NRXN1: variants seen among roughly 807,000 people sequenced by gnomAD.
NRXN1 encodes the protein neurexin 1, also known as neurexin-1.
NRXN1 carries 39 observed loss-of-function variants against 150.9 expected under a neutral mutation model. The observed-to-expected ratio is 0.26, with a 90% CI of 0.20 to 0.34. NRXN1 has a LOEUF of 0.34. Among genes scored for constraint, NRXN1 ranks in the 10% least tolerant of loss-of-function variants. The probability of loss-of-function intolerance (pLI) is 1.00; values close to 1 mark genes in which losing one functional copy is unlikely to be tolerated. For synonymous variants in NRXN1, 924 were observed against 757.0 expected, an observed-to-expected ratio of 1.22 and a Z score of -3.62; for missense variants, 1,815 against 1,949.9, an observed-to-expected ratio of 0.93 and a Z score of 1.30.
chr2:50,462,492 A>G (rs2088335394), intron 17 of NRXN1, among the ~76,000 whole-genome samples: 2 of 151,842 alleles, frequency 1.3e-5, no homozygotes, highest in Admixed American at 1.3e-4. Flanking sequence ...TACATGATAT[A>G]CCAGAAAAAT....
intron 21 of NRXN1, among the ~76,000 whole-genome samples, chr2:50,012,901 T>C (rs1685948219): frequency 6.6e-6 from 1 of 152,152 alleles, no homozygotes; most frequent in East Asian, 1.9e-4. Flanking sequence ...GTATTACTTC[T>C]GTGGGACCTT....
chr2:50,754,069 T>C (rs1463918214), intron 5 of NRXN1, among the ~76,000 whole-genome samples: 1 of 150,914 alleles, frequency 6.6e-6, no homozygotes, highest in African/African-American at 2.4e-5. Flanking sequence ...TAAACTAATA[T>C]ACCATAAAAG....
chr2:50,496,100 G>GA lies in NRXN1; in HGVS notation c.2880-6dup. ...TCAAACACGTAATGTAAGTACCTGG[G>GA]AAAAAAATGAAAGAGGGGAAAGTGC... On this transcript the variant is annotated splice_polypyrimidine_tract_variant and splice_region_variant and intron_variant, in intron 14 of 22. Transcript: ENST00000401669. The GA allele has an allele frequency of 6.3e-7, 1 of 1,579,992 alleles. No homozygotes were observed. The highest frequency in any genetic ancestry group is 8.6e-7 in the Non-Finnish European group (1 of 1,162,572).
At chr2:49,987,643 AT>A (rs1322949560) in intron 21 of NRXN1, among the ~76,000 whole-genome samples, 1 of 152,108 alleles carries the variant, frequency 6.6e-6, no homozygotes, top group Non-Finnish European at 1.5e-5. Context: ...GACCTTTAAA[AT>A]ATGTGATATA....
At chr2:50,790,794 T>C (rs962021813) in intron 5 of NRXN1, among the ~76,000 whole-genome samples, 18 of 152,134 alleles carry the variant, frequency 1.2e-4, no homozygotes, top group African/African-American at 3.6e-4. Flanking sequence ...CAAATGAGGA[T>C]GACTGGGAGG....
chr2:50,548,159 C>T (rs2093535546), intron 9 of NRXN1: 2 of 152,112 alleles, frequency 1.3e-5, no homozygotes, highest in African/African-American at 4.8e-5. Flanking sequence ...GGTTGCATAT[C>T]CCAGTCCTCA....
rs530433111 is a variant in NRXN1 at position 50,160,266 on chromosome 2, C to T, written c.3547-68772G>A. ...TTAAAAAAAGGCTTTCTGGGCCAGA[C>T]GCAGTTGCTAACGTCTGTAATCCCA... On this transcript the variant is annotated intron_variant, in intron 18 of 22. Coordinates refer to ENST00000401669, the MANE Select transcript of NRXN1 (RefSeq NM_001330078.2). 6.6e-5 allele frequency among the ~76,000 whole-genome samples: 10 copies of T among 152,040 alleles called. No individual in the cohort carries two copies. The South Asian group carries it at 1.0e-3, about 16-fold the overall frequency.
intron 8 of NRXN1, among the ~76,000 whole-genome samples, chr2:50,613,316 T>A (rs1323419733): frequency 6.6e-6 from 1 of 152,100 alleles, no homozygotes; most frequent in East Asian, 1.9e-4. Flanking sequence ...CAAGCCATCA[T>A]CTCTAGTGCT....
At chr2:50,147,619 G>A (rs750431358) in intron 18 of NRXN1, among the ~76,000 whole-genome samples, 7 of 151,576 alleles carry the variant, frequency 4.6e-5, no homozygotes, top group Non-Finnish European at 1.0e-4. Flanking sequence ...AGTCACGTGT[G>A]GAAAAAACAA....
chr2:51,014,882 ATTG>A (rs1258028895), intron 2 of NRXN1, among the ~76,000 whole-genome samples: 1 of 152,038 alleles, frequency 6.6e-6, no homozygotes, highest in Non-Finnish European at 1.5e-5. Context: ...AGATTTTGCT[ATTG>A]TTGTTGATGT....
At chr2:50,005,669 G>T (rs1205077853) in intron 21 of NRXN1, among the ~76,000 whole-genome samples, 1 of 151,986 alleles carries the variant, frequency 6.6e-6, no homozygotes, top group African/African-American at 2.4e-5. Context: ...ATTACCTAGA[G>T]AATTAGTCTA....
At chr2:49,957,098 C>T (rs146539733) in intron 21 of NRXN1, among the ~76,000 whole-genome samples, 731 of 152,156 alleles carry the variant, frequency 4.8e-3, no homozygotes, top group Non-Finnish European at 7.2e-3. Context: ...CTATGAGCAG[C>T]AAGTTGCTTT....
intron 18 of NRXN1, among the ~76,000 whole-genome samples, chr2:50,235,678 G>T (rs2065346378): frequency 6.6e-6 from 1 of 152,084 alleles, no homozygotes; most frequent in Non-Finnish European, 1.5e-5. Flanking sequence ...AGAACATGAT[G>T]ACCTAATCAA....
chr2:49,956,044 T>C (rs1217815107), intron 21 of NRXN1, among the ~76,000 whole-genome samples: 3 of 152,130 alleles, frequency 2.0e-5, no homozygotes, highest in Non-Finnish European at 4.4e-5. Flanking sequence ...TTTTATGCAT[T>C]AATCTTTTAC....
intron 17 of NRXN1, among the ~76,000 whole-genome samples, chr2:50,255,857 TA>T (rs1197775881): frequency 6.6e-6 from 1 of 152,154 alleles, no homozygotes; most frequent in Non-Finnish European, 1.5e-5. Context: ...ATTAACTAAT[TA>T]AAATTAATTA....
intron 17 of NRXN1, among the ~76,000 whole-genome samples, chr2:50,329,692 G>C (rs1306132223): frequency 3.7e-5 from 4 of 106,718 alleles, no homozygotes; most frequent in South Asian, 3.6e-4. Context: ...TTTCCCCCCC[G>C]AGACGGAGTC....
chr2:50,146,651 T>A (rs17039994), intron 18 of NRXN1, among the ~76,000 whole-genome samples: 2 of 151,690 alleles, frequency 1.3e-5, no homozygotes, highest in African/African-American at 4.8e-5. Flanking sequence ...TTACTTTTAA[T>A]GTATATTGCT....
intron 5 of NRXN1, among the ~76,000 whole-genome samples, chr2:50,691,595 C>T (rs147232215): frequency 9.2e-5 from 14 of 152,216 alleles, no homozygotes; most frequent in African/African-American, 1.9e-4. Context: ...TATTGTTTTA[C>T]GATCAGAGTT....
At chr2:50,334,033 T>G (rs1043648645) in intron 17 of NRXN1, among the ~76,000 whole-genome samples, 4 of 151,780 alleles carry the variant, frequency 2.6e-5, no homozygotes, top group Non-Finnish European at 4.4e-5. Flanking sequence ...CCCTGCTCTT[T>G]GGGAGCTTTT....
Sources: allele counts gnomAD v4.1 joint callset (sites outside exome capture counted in the v4.1 genomes callset), GRCh38; gene constraint gnomAD v4.1.1; transcripts MANE v1.5; gene names NCBI Gene and HGNC (gene_info 2026-07-23, HGNC 2026-07-21).